Variants in NUDCD3 observed in about 807,000 individuals in gnomAD.
The protein encoded by NUDCD3 is nudC domain-containing protein 3.
NUDCD3 carries 13 observed loss-of-function variants against 39.7 expected under a neutral mutation model. The ratio of observed to expected loss-of-function variants is 0.33; its 90% confidence interval spans 0.21 to 0.52. The LOEUF is 0.52. NUDCD3 is among the 20% of genes least tolerant of loss of function. The probability of loss-of-function intolerance (pLI) is 0.96; values close to 1 mark genes in which losing one functional copy is unlikely to be tolerated. For missense variants in NUDCD3, 453 were observed against 458.1 expected, an observed-to-expected ratio of 0.99 and a Z score of 0.10; for synonymous variants, 175 against 172.4, an observed-to-expected ratio of 1.02 and a Z score of -0.12.
intron 4 of NUDCD3, among the ~76,000 whole-genome samples, chr7:44,395,090 T>C (rs569430117): frequency 6.6e-6 from 1 of 152,392 alleles, no homozygotes; most frequent in East Asian, 1.9e-4. Context: ...TCAGATTTCA[T>C]AATATTTACA....
intron 2 of NUDCD3, among the ~76,000 whole-genome samples, chr7:44,438,870 CAT>C (rs1799518681): frequency 6.6e-6 from 1 of 152,170 alleles, no homozygotes; most frequent in Admixed American, 6.5e-5. Flanking sequence ...GCCTTGTTAA[CAT>C]GTATTTCTCA....
chr7:44,397,790 C>T (rs1276157240), intron 4 of NUDCD3, among the ~76,000 whole-genome samples: 1 of 152,072 alleles, frequency 6.6e-6, no homozygotes, highest in Non-Finnish European at 1.5e-5. Context: ...TTGCATTCAT[C>T]TTGGCCCTTT....
chr7:44,469,179 A>G (rs1230046676), intron 2 of NUDCD3, among the ~76,000 whole-genome samples: 2 of 151,234 alleles, frequency 1.3e-5, no homozygotes, highest in African/African-American at 2.4e-5. Context: ...CAGGTAAGGA[A>G]GACCCCTTAC....
In NUDCD3 at chr7:44,380,547, C is replaced by T. The variant is rs578166701; in HGVS notation, c.*5464G>A. Reference sequence around the variant, plus strand: ...TTTCCCAGCCTTTGATGACCCCAAACGCTGTCTCTTCCCTAAGGGTCACTG... The same window carrying T: ...TTTCCCAGCCTTTGATGACCCCAAATGCTGTCTCTTCCCTAAGGGTCACTG... On this transcript the variant is annotated 3_prime_UTR_variant, in exon 6 of 6. Coordinates refer to ENST00000355451, the MANE Select transcript of NUDCD3 (RefSeq NM_015332.4). 3 of 152,410 alleles carry T rather than the reference C, an allele frequency of 2.0e-5. No individual in the cohort carries two copies. Among genetic ancestry groups the T allele is most frequent in the East Asian group, 1.9e-4 (1 of 5,188 alleles). The allele number at this position is 152,410 out of a possible 1,614,324, so 9.4% of individuals were successfully genotyped here.
At chr7:44,425,084 T>C (rs890928788) in intron 3 of NUDCD3, among the ~76,000 whole-genome samples, 8 of 151,622 alleles carry the variant, frequency 5.3e-5, no homozygotes, top group Non-Finnish European at 8.8e-5. Context: ...TAAGTGAGAG[T>C]TGAACAATGA....
intron 3 of NUDCD3, among the ~76,000 whole-genome samples, chr7:44,407,091 G>T (rs1283223627): frequency 1.3e-5 from 2 of 151,932 alleles, no homozygotes; most frequent in Non-Finnish European, 2.9e-5. Context: ...TGTGTCAAGT[G>T]AAGTCCTACT....
chr7:44,423,972 G>A (rs1353804664), intron 3 of NUDCD3, among the ~76,000 whole-genome samples: 1 of 151,988 alleles, frequency 6.6e-6, no homozygotes, highest in African/African-American at 2.4e-5. Flanking sequence ...CAGAACAGAG[G>A]CCTCAGAAAT....
intron 2 of NUDCD3, among the ~76,000 whole-genome samples, chr7:44,454,042 C>CA (rs1799844168): frequency 1.3e-5 from 2 of 150,064 alleles, no homozygotes; most frequent in African/African-American, 2.5e-5. Flanking sequence ...GGCCTTGTTT[C>CA]AAAAAAAATA....
rs546947227 is a variant in NUDCD3, at chr7:44,421,919, G to T, written c.642+5652C>A. Among the ~76,000 whole-genome samples the T allele has an allele frequency of 7.2e-5, 11 of 152,180 alleles. No homozygotes were observed. The East Asian group carries it at 2.1e-3, about 29-fold the overall frequency. On this transcript the variant is annotated intron_variant, in intron 3 of 5. Transcript: ENST00000355451. ...CACTCCTCAGCAAATGCAAAAGAAC[G>T]GAAATCATAACAAACAGTCTCTCAG...
chr7:44,392,544 G>T, intron 4 of NUDCD3, 59 bp from the exon 5 acceptor site: 1 of 1,504,190 alleles, frequency 6.6e-7, no homozygotes, highest in Non-Finnish European at 9.2e-7. Context: ...TCCAGGGCTG[G>T]GGACAGAGCA....
intron 2 of NUDCD3, among the ~76,000 whole-genome samples, chr7:44,438,221 G>A (rs550746618): frequency 1.3e-5 from 2 of 152,072 alleles, no homozygotes; most frequent in South Asian, 4.1e-4. Context: ...AATTATGTAA[G>A]TATCTTACCT....
intron 3 of NUDCD3, among the ~76,000 whole-genome samples, chr7:44,423,631 G>C (rs1399013857): frequency 6.6e-6 from 1 of 151,980 alleles, no homozygotes; most frequent in Non-Finnish European, 1.5e-5. Flanking sequence ...CACTGCTCAA[G>C]GAAATAAGAG....
intron 2 of NUDCD3, among the ~76,000 whole-genome samples, chr7:44,457,497 T>C (rs998578618): frequency 4.6e-5 from 7 of 152,350 alleles, no homozygotes; most frequent in Admixed American, 6.5e-5. Flanking sequence ...AAAAATCTAT[T>C]GTATTCCTAT....
rs1167501156 is a variant in NUDCD3, at chr7:44,427,558, C to T, written c.642+13G>A. The T allele has an allele frequency of 6.2e-7, 1 of 1,610,494 alleles. No homozygotes were observed. The highest frequency in any genetic ancestry group is 1.7e-5 in the Admixed American group (1 of 59,572). On this transcript the variant is annotated intron_variant, in intron 3 of 5. Coordinates refer to ENST00000355451, the MANE Select transcript of NUDCD3 (RefSeq NM_015332.4). ...GGGTGAAGCCGCCCACCCCTACCCG[C>T]CAAGGCCATTACCTGCTTTCCCTTC... is the stretch of plus-strand genomic sequence containing the variant.
In NUDCD3 at chr7:44,381,127, T is replaced by A. The variant is rs1228741585; in HGVS notation, c.*4884A>T. The A allele has an allele frequency of 1.3e-5, 2 of 152,296 alleles. No homozygotes were observed. The highest frequency in any genetic ancestry group is 2.4e-5 in the African/African-American group (1 of 41,448). The allele number at this position is 152,296 out of a possible 1,614,324, so 9.4% of individuals were successfully genotyped here. A position where few individuals can be genotyped will look rare whatever the true frequency, so the allele number is the denominator to read the frequency against. ...GATCAATGCTGGAGGATCCTCCCTC[T>A]GCCTTCCCCATCCAACACAGATCAT... On this transcript the variant is annotated 3_prime_UTR_variant, in exon 6 of 6. Coordinates refer to ENST00000355451, the MANE Select transcript of NUDCD3 (RefSeq NM_015332.4).
At chr7:44,400,010 G>A (rs904305826) in intron 4 of NUDCD3, among the ~76,000 whole-genome samples, 2 of 152,064 alleles carry the variant, frequency 1.3e-5, no homozygotes, top group Non-Finnish European at 2.9e-5. Context: ...CAGCTACAAC[G>A]ACCATCTCAA....
At chr7:44,396,907 A>T (rs1223160036) in intron 4 of NUDCD3, among the ~76,000 whole-genome samples, 1 of 152,220 alleles carries the variant, frequency 6.6e-6, no homozygotes, top group Admixed American at 6.5e-5. Flanking sequence ...TCTATCTAAA[A>T]ATAACACCTC....
At chr7:44,423,170 C>A (rs1292670319) in intron 3 of NUDCD3, among the ~76,000 whole-genome samples, 1 of 152,106 alleles carries the variant, frequency 6.6e-6, no homozygotes. Flanking sequence ...TTATGATAAA[C>A]CCATAGCCAA....
At chr7:44,404,738 C>T (rs914623775) in intron 3 of NUDCD3, among the ~76,000 whole-genome samples, 155 bp from the exon 4 acceptor site, 1 of 151,412 alleles carries the variant, frequency 6.6e-6, no homozygotes. Flanking sequence ...ACCATACCAG[C>T]CTAATTTATA....
Sources: allele counts gnomAD v4.1 joint callset (sites outside exome capture counted in the v4.1 genomes callset), GRCh38; gene constraint gnomAD v4.1.1; transcripts MANE v1.5; gene names NCBI Gene and HGNC (gene_info 2026-07-23, HGNC 2026-07-21).